The following TMEM135 variants were observed in gnomAD, a reference collection of about 807,000 sequenced individuals.
TMEM135 encodes the protein peroxisomal membrane protein 52.
In TMEM135, 30 loss-of-function variants were observed where a neutral mutation model predicts 60.3. The ratio of observed to expected loss-of-function variants is 0.50; its 90% CI spans 0.37 to 0.68. TMEM135 has a LOEUF of 0.68. Among genes scored for constraint, TMEM135 ranks in the 30% least tolerant of loss-of-function variants. TMEM135 has a pLI of 0.00. For missense variants in TMEM135, 468 were observed against 548.8 expected (o/e 0.85, Z 1.47); for synonymous variants, 190 against 186.7 (o/e 1.02, Z -0.14).
intron 6 of TMEM135, among the ~76,000 whole-genome samples, chr11:87,252,798 ATGTGTGTG>A (rs558272693): frequency 2.0e-4 from 27 of 134,240 alleles, no homozygotes; most frequent in South Asian, 4.9e-4. Flanking sequence ...TAAAATATAT[ATGTGTGTG>A]TGTGTGTGTG....
At chr11:87,315,466 G>C (rs1942712340) in intron 12 of TMEM135, among the ~76,000 whole-genome samples, 2 of 151,792 alleles carry the variant, frequency 1.3e-5, no homozygotes, top group African/African-American at 2.4e-5. Flanking sequence ...CTCTCTTTTT[G>C]TGATGCTAAG....
chr11:87,123,769 T>G (rs1334635380), intron 4 of TMEM135, among the ~76,000 whole-genome samples: 3 of 152,154 alleles, frequency 2.0e-5, no homozygotes, highest in African/African-American at 7.2e-5. Context: ...GGAAACAAGT[T>G]GAGAATTAAC....
At chr11:87,159,617 A>ACACACACACACACACACACACACACACC (rs140303858) in intron 5 of TMEM135, among the ~76,000 whole-genome samples, 1 of 149,344 alleles carries the variant, frequency 6.7e-6, no homozygotes, top group African/African-American at 2.5e-5. Flanking sequence ...ACACACACAC[A>ACACACACACACACACACACACACACACC]CCATAGATTT....
rs1942907471 is a variant in TMEM135 at position 87,326,067 on chromosome 11, T to A, written c.*4734T>A. ...ATACTTCTTTCTTTAGCTCACAAAC[T>A]ACTATAGCTTGCCTGTTCAGTTTTT... is the stretch of plus-strand genomic sequence containing the variant. On this transcript the variant is annotated 3_prime_UTR_variant, in exon 15 of 15. Transcript: ENST00000305494. The A allele has an allele frequency of 4.4e-6, 2 of 453,656 alleles. No homozygotes were observed. Among genetic ancestry groups the A allele is most frequent in the South Asian group, 3.1e-5 (2 of 64,472 alleles). 28.1% of individuals were successfully genotyped at this position (453,656 alleles called of 1,614,324 possible).
At chr11:87,239,256 G>A (rs1291597832) in intron 6 of TMEM135, among the ~76,000 whole-genome samples, 2 of 152,026 alleles carry the variant, frequency 1.3e-5, no homozygotes, top group Non-Finnish European at 2.9e-5. Flanking sequence ...GAGGAAAGGG[G>A]TTGTTTTTCT....
intron 4 of TMEM135, among the ~76,000 whole-genome samples, chr11:87,150,166 G>A (rs1039347085): frequency 6.8e-6 from 1 of 146,226 alleles, no homozygotes; most frequent in Non-Finnish European, 1.5e-5. Flanking sequence ...GCAGTGAGCC[G>A]AGTGCACCAT....
At position 87,322,569 on chromosome 11, in the gene TMEM135, A is replaced by G; in HGVS notation, c.*1236A>G. 2.2e-6 allele frequency: 1 copy of G among 454,052 alleles called. No individual in the cohort carries two copies. Among genetic ancestry groups the G allele is most frequent in the South Asian group, 1.6e-5 (1 of 64,470 alleles). 28.1% of individuals were successfully genotyped at this position (454,052 alleles called of 1,614,324 possible). On this transcript the variant is annotated 3_prime_UTR_variant, in exon 15 of 15. Transcript: ENST00000305494. ...TAAAGAGCTGAAGTGGTCTACAGTTAATGTGACATGTAGGGATGATGATAT... is the reference window on the plus strand; with the variant it reads ...TAAAGAGCTGAAGTGGTCTACAGTTGATGTGACATGTAGGGATGATGATAT...
chr11:87,248,774 C>G lies in TMEM135; in HGVS notation c.509+12090C>G, dbSNP rs139924331. On this transcript the variant is annotated intron_variant, in intron 6 of 14. Coordinates refer to ENST00000305494, the MANE Select transcript of TMEM135 (RefSeq NM_022918.4). The stretch of plus-strand genomic sequence containing the variant: ...TGGAAATCTTTTTATTTTTTGGTGT[C>G]CTCTTTAATTTCTTGCATCAGTGTT... Among the ~76,000 whole-genome samples the G allele has an allele frequency of 7.4e-4, 113 of 152,016 alleles. 1 individual carries two copies. Among genetic ancestry groups the G allele is most frequent in the African/African-American group, 2.5e-3 (103 of 41,470 alleles).
intron 1 of TMEM135, among the ~76,000 whole-genome samples, chr11:87,062,652 A>T (rs1008022869): frequency 4.0e-5 from 6 of 151,080 alleles, no homozygotes; most frequent in African/African-American, 9.7e-5. Flanking sequence ...TTTAGTATAG[A>T]TGGGATTTCA....
At chr11:87,099,117 A>G (rs1857395893) in intron 4 of TMEM135, among the ~76,000 whole-genome samples, 1 of 152,164 alleles carries the variant, frequency 6.6e-6, no homozygotes, top group Non-Finnish European at 1.5e-5. Context: ...AGACACTCAC[A>G]TGCTTTTCTA....
chr11:87,186,663 A>G (rs1195419042), intron 5 of TMEM135, among the ~76,000 whole-genome samples: 1 of 152,206 alleles, frequency 6.6e-6, no homozygotes, highest in Non-Finnish European at 1.5e-5. Context: ...AATAATTCAC[A>G]TTGTAATACT....
At chr11:87,044,849 G>T (rs965372179) in intron 1 of TMEM135, among the ~76,000 whole-genome samples, 31 of 151,260 alleles carry the variant, frequency 2.0e-4, no homozygotes, top group African/African-American at 6.8e-4. Context: ...GGGTTTCACC[G>T]TATTGGCCAG....
In TMEM135 at chr11:87,314,480, C is replaced by G. The variant is rs1417074367; in HGVS notation, c.1010C>G (p.Ala337Gly). The change falls in exon 12 of 15, where the codon GCA (alanine) becomes GGA (glycine). Residue 337 changes from alanine (A) to glycine (G), a missense_variant. Ala to Gly is a moderately conservative substitution (Grantham distance 60). Transcript: ENST00000305494. ...ELHAIIAGFL[A>G]GISMMFYKST... ...TTATTTCTTGTTTCAGGATTTTTGGCAGGTATATCAATGATGTTTTATAAA... is the reference window on the plus strand; with the variant it reads ...TTATTTCTTGTTTCAGGATTTTTGGGAGGTATATCAATGATGTTTTATAAA... 1.2e-6 allele frequency: 2 copies of G among 1,609,706 alleles called. No homozygotes were observed. Among genetic ancestry groups the G allele is most frequent in the South Asian group, 1.1e-5 (1 of 91,002 alleles).
intron 5 of TMEM135, among the ~76,000 whole-genome samples, chr11:87,159,437 T>C (rs868437601): frequency 7.0e-4 from 107 of 152,140 alleles, no homozygotes; most frequent in African/African-American, 2.3e-3. Flanking sequence ...GTTGATAAAA[T>C]AATATTTTGT....
At chr11:87,169,113 G>A (rs561876527) in intron 5 of TMEM135, among the ~76,000 whole-genome samples, 1 of 151,578 alleles carries the variant, frequency 6.6e-6, no homozygotes, top group East Asian at 1.9e-4. Context: ...TCAGAGACTA[G>A]GATTGCAAAC....
intron 5 of TMEM135, among the ~76,000 whole-genome samples, chr11:87,159,301 A>C (rs1383696207): frequency 1.3e-5 from 2 of 152,192 alleles, no homozygotes; most frequent in Admixed American, 1.3e-4. Context: ...TGTGTCTTCT[A>C]ATTAATGGCA....
intron 4 of TMEM135, among the ~76,000 whole-genome samples, chr11:87,097,287 G>C (rs566138797): frequency 6.6e-6 from 1 of 152,202 alleles, no homozygotes; most frequent in Non-Finnish European, 1.5e-5. Flanking sequence ...GTGAGCCACC[G>C]TGCCTGGTTG....
chr11:87,192,643 T>C (rs1369885048), intron 5 of TMEM135, among the ~76,000 whole-genome samples: 1 of 152,146 alleles, frequency 6.6e-6, no homozygotes, highest in Non-Finnish European at 1.5e-5. Context: ...TTATTTTATT[T>C]ATAAATAAGA....
At chr11:87,242,591 T>C (rs1941163848) in intron 6 of TMEM135, among the ~76,000 whole-genome samples, 1 of 117,090 alleles carries the variant, frequency 8.5e-6, no homozygotes, top group Non-Finnish European at 1.9e-5. Flanking sequence ...TTTGCATTTC[T>C]CTGATGGCCA....
Sources: allele counts gnomAD v4.1 joint callset (sites outside exome capture counted in the v4.1 genomes callset), GRCh38; gene constraint gnomAD v4.1.1; transcripts MANE v1.5; gene names NCBI Gene and HGNC (gene_info 2026-07-23, HGNC 2026-07-21).